Variants in COL25A1 observed in about 807,000 individuals in gnomAD.
COL25A1 encodes collagen type XXV alpha 1 chain.
COL25A1 carries 103 observed loss-of-function variants against 128.4 expected under a neutral mutation model. The observed-to-expected ratio is 0.80, with a 90% CI of 0.68 to 0.94. The LOEUF (loss-of-function observed/expected upper bound fraction) is 0.94. Ranked by LOEUF, COL25A1 falls within the 40% of genes least tolerant of loss-of-function variation. The pLI, the probability that COL25A1 is intolerant of heterozygous loss-of-function variation, is 0.00. For synonymous variants in COL25A1, 279 were observed against 277.2 expected (o/e 1.01, Z -0.06); for missense variants, 745 against 840.0 (o/e 0.89, Z 1.40).
intron 3 of COL25A1, among the ~76,000 whole-genome samples, chr4:109,277,224 G>A: frequency 6.6e-6 from 1 of 152,020 alleles, no homozygotes; most frequent in South Asian, 2.1e-4. Context: ...GCTTCTAAAA[G>A]GGATGATTAA....
Position 109,052,651 on chromosome 4 carries a change from G to A in COL25A1, c.368-2472C>T, listed in dbSNP as rs76274026. ...TCAGAAAAGCCTAGGTAAAGATCTT[G>A]CTTCTAAGAGAATAATTTGATGTTT... On this transcript the variant is annotated intron_variant, in intron 3 of 37. Transcript: ENST00000399132. Among the ~76,000 whole-genome samples, 328 of 152,256 alleles carry A rather than the reference G, an allele frequency of 2.2e-3. 1 individual carries two copies. Among genetic ancestry groups the A allele is most frequent in the African/African-American group, 7.5e-3 (313 of 41,548 alleles).
intron 6 of COL25A1, among the ~76,000 whole-genome samples, chr4:109,004,377 A>T (rs974110434): frequency 6.7e-6 from 1 of 148,588 alleles, no homozygotes; most frequent in Non-Finnish European, 1.5e-5. Context: ...ATAACATGTG[A>T]TATAGAAGTA....
At chr4:109,259,338 C>G (rs1471441028) in intron 3 of COL25A1, among the ~76,000 whole-genome samples, 2 of 152,154 alleles carry the variant, frequency 1.3e-5, no homozygotes, top group Non-Finnish European at 2.9e-5. Flanking sequence ...TTAAAAGAAT[C>G]AATTTTCATT....
chr4:108,931,816 C>G (rs1746780134), intron 11 of COL25A1, among the ~76,000 whole-genome samples: 1 of 152,150 alleles, frequency 6.6e-6, no homozygotes, highest in Non-Finnish European at 1.5e-5. Context: ...AACAGCACTA[C>G]AGGCTCTGGG....
At position 109,301,797 on chromosome 4, in the gene COL25A1, T is replaced by G; in HGVS notation, c.223A>C (p.Ile75Leu). ...TCCAGGGTATCAGGCAGCAGATGAA[T>G]GGAAGGGGCCCCTTTGGCGGATTCG... The part of the protein sequence containing the change: ...ALESAKGAPS[I>L]HLLPDTLDHL... The change falls in exon 2 of 38, where the codon ATT becomes CTT. Residue 75 changes from isoleucine to leucine, a missense_variant. By Grantham distance (5) the Ile-to-Leu change is conservative. This residue lies in a region of COL25A1 where 319 missense variants were observed against 324.9 expected (regional missense o/e 0.98). Transcript: ENST00000399132. The G allele has an allele frequency of 6.2e-7, 1 of 1,614,192 alleles. No homozygotes were observed. The highest frequency in any genetic ancestry group is 1.1e-5 in the South Asian group (1 of 91,084).
chr4:108,874,047 C>T (rs935911), intron 19 of COL25A1, among the ~76,000 whole-genome samples: 1 of 151,960 alleles, frequency 6.6e-6, no homozygotes, highest in Non-Finnish European at 1.5e-5. Flanking sequence ...GTAATAAAAA[C>T]ATAAGCAAAT....
chr4:109,065,545 C>CGCGCGCGCGCGTGT (rs771855567), intron 3 of COL25A1, among the ~76,000 whole-genome samples: 57 of 141,190 alleles, frequency 4.0e-4, no homozygotes, highest in African/African-American at 1.4e-3. Context: ...CGCGCGCGCG[C>CGCGCGCGCGCGTGT]GTGTGTGTGT....
At chr4:108,888,551 A>C (rs1741089606) in intron 18 of COL25A1, among the ~76,000 whole-genome samples, 1 of 152,218 alleles carries the variant, frequency 6.6e-6, no homozygotes, top group Non-Finnish European at 1.5e-5. Flanking sequence ...CTCAAATGAG[A>C]GTATGAATCT....
chr4:109,290,646 A>G (rs1243417993), intron 3 of COL25A1, among the ~76,000 whole-genome samples: 1 of 151,926 alleles, frequency 6.6e-6, no homozygotes, highest in Non-Finnish European at 1.5e-5. Context: ...CTTTTTTTGT[A>G]GTTTATAATA....
chr4:108,901,508 C>T (rs1742855214), intron 13 of COL25A1, among the ~76,000 whole-genome samples: 1 of 151,322 alleles, frequency 6.6e-6, no homozygotes, highest in Non-Finnish European at 1.5e-5. Flanking sequence ...ATATAAGACT[C>T]TCCTGGCAAA....
intron 3 of COL25A1, among the ~76,000 whole-genome samples, chr4:109,111,943 A>G (rs1767062483): frequency 6.6e-6 from 1 of 152,118 alleles, no homozygotes; most frequent in Non-Finnish European, 1.5e-5. Context: ...CCTTAAGACT[A>G]AAGAAATTCA....
intron 3 of COL25A1, among the ~76,000 whole-genome samples, chr4:109,091,493 TA>T (rs1764903234): frequency 6.6e-6 from 1 of 152,216 alleles, no homozygotes; most frequent in Non-Finnish European, 1.5e-5. Flanking sequence ...TTTAAACCGT[TA>T]TTTTCATCCA....
At chr4:109,023,630 T>C (rs1757964785) in intron 5 of COL25A1, among the ~76,000 whole-genome samples, 1 of 152,132 alleles carries the variant, frequency 6.6e-6, no homozygotes. Context: ...ACCAAGAATG[T>C]TCACAGCAAA....
chr4:109,109,974 G>A (rs1766847273), intron 3 of COL25A1, among the ~76,000 whole-genome samples: 1 of 152,078 alleles, frequency 6.6e-6, no homozygotes, highest in South Asian at 2.1e-4. Context: ...ATAAACTGAA[G>A]TGTGGCCATT....
intron 3 of COL25A1, among the ~76,000 whole-genome samples, chr4:109,134,534 G>C (rs1487085280): frequency 2.6e-5 from 4 of 152,136 alleles, no homozygotes; most frequent in Non-Finnish European, 5.9e-5. Context: ...TTTCCAATGA[G>C]AGTCACTAAC....
intron 3 of COL25A1, among the ~76,000 whole-genome samples, chr4:109,244,001 C>A (rs1005157437): frequency 6.6e-6 from 1 of 151,718 alleles, no homozygotes; most frequent in Admixed American, 6.6e-5. Context: ...GATAAAGGTT[C>A]TTTTCTACAT....
intron 3 of COL25A1, among the ~76,000 whole-genome samples, chr4:109,095,584 C>A (rs1234710296): frequency 6.6e-6 from 1 of 152,270 alleles, no homozygotes; most frequent in East Asian, 1.9e-4. Context: ...CAAGAGATCA[C>A]GCAGAGACAA....
At chr4:109,236,607 TA>T (rs1463207474) in intron 3 of COL25A1, among the ~76,000 whole-genome samples, 1 of 152,120 alleles carries the variant, frequency 6.6e-6, no homozygotes, top group Non-Finnish European at 1.5e-5. Context: ...AAATATTGTT[TA>T]TATTTTAAAA....
chr4:109,072,674 C>A (rs114062459), intron 3 of COL25A1, among the ~76,000 whole-genome samples: 1 of 152,160 alleles, frequency 6.6e-6, no homozygotes, highest in Non-Finnish European at 1.5e-5. Context: ...GAACCTTCTG[C>A]AAGTTTTCTG....
Sources: allele counts gnomAD v4.1 joint callset (sites outside exome capture counted in the v4.1 genomes callset), GRCh38; gene constraint gnomAD v4.1.1; regional missense constraint gnomAD v4.1.1; transcripts MANE v1.5; gene names NCBI Gene and HGNC (gene_info 2026-07-23, HGNC 2026-07-21).